The following UTS2B variants were observed in gnomAD, a reference collection of about 807,000 sequenced individuals.
UTS2B encodes the protein urotensin 2B, also known as urotensin-2B.
Under a neutral mutation model 19.2 loss-of-function variants are expected in UTS2B, and 21 were observed. The observed-to-expected ratio is 1.09, with a 90% CI of 0.78 to 1.58. The LOEUF (loss-of-function observed/expected upper bound fraction) is 1.58. UTS2B is among the 40% of genes most tolerant of loss of function. The pLI is 0.00. For missense variants in UTS2B, 138 were observed against 130.3 expected (o/e 1.06, Z -0.29); for synonymous variants, 57 against 50.2 (o/e 1.14, Z -0.58).
upstream of UTS2B, among the ~76,000 whole-genome samples, chr3:191,334,454 T>G (rs1166003903): frequency 6.6e-6 from 1 of 152,140 alleles, no homozygotes; most frequent in Non-Finnish European, 1.5e-5. Context: ...AATTGGTACT[T>G]TAAAAAGAGA....
intron 4 of UTS2B, among the ~76,000 whole-genome samples, chr3:191,286,688 C>T (rs1716552842): frequency 6.6e-6 from 1 of 151,558 alleles, no homozygotes; most frequent in Middle Eastern, 3.2e-3. Context: ...CAAATAAACA[C>T]CTATTACATC....
At chr3:191,312,385 T>C (rs775903262) in intron 3 of UTS2B, among the ~76,000 whole-genome samples, 33 of 152,184 alleles carry the variant, frequency 2.2e-4, no homozygotes, top group Non-Finnish European at 3.7e-4. Flanking sequence ...TTACATGGTC[T>C]TTATGTTGGG....
At chr3:191,340,305 A>G in the UTS2B span, among the ~76,000 whole-genome samples, 1 of 152,224 alleles carries the variant, frequency 6.6e-6, no homozygotes, top group African/African-American at 2.4e-5. Flanking sequence ...TGCGCCTTAT[A>G]TACTATCATA....
the UTS2B span, among the ~76,000 whole-genome samples, chr3:191,340,699 C>T: frequency 6.6e-5 from 10 of 152,264 alleles, no homozygotes; most frequent in Middle Eastern, 3.4e-3. Context: ...TTCTGATTTC[C>T]CCTTAACTCA....
chr3:191,318,626 T>C (rs1483525109), intron 2 of UTS2B, among the ~76,000 whole-genome samples: 1 of 152,138 alleles, frequency 6.6e-6, no homozygotes, highest in African/African-American at 2.4e-5. Context: ...CACACCACCA[T>C]GTCCGGCTAA....
At chr3:191,302,142 T>A (rs1271681051) in intron 4 of UTS2B, among the ~76,000 whole-genome samples, 1 of 152,186 alleles carries the variant, frequency 6.6e-6, no homozygotes, top group Admixed American at 6.5e-5. Context: ...AAATTCAAGA[T>A]TGCGCTGAAA....
Position 191,282,243 on chromosome 3 carries a change from G to T in UTS2B, c.-54C>A. On this transcript the variant is annotated 5_prime_UTR_variant, in exon 5 of 9. Transcript: ENST00000340524. ...GAAACAGACTTTCCAGGTCAAGATG[G>T]ATATTTCTATAGCTTTGGAATTCAG... The T allele has an allele frequency of 7.3e-7, 1 of 1,363,954 alleles. No homozygotes were observed. Among genetic ancestry groups the T allele is most frequent in the Non-Finnish European group, 1.0e-6 (1 of 976,400 alleles). The allele number at this position is 1,363,954 out of a possible 1,614,324, so 84.5% of individuals were successfully genotyped here.
At chr3:191,321,800 G>A (rs139586395) in intron 2 of UTS2B, among the ~76,000 whole-genome samples, 1,666 of 152,320 alleles carry the variant, frequency 0.011, 15 homozygotes, top group Non-Finnish European at 0.017. Context: ...GCCAAGGTGG[G>A]CAGATCACCT....
chr3:191,320,777 G>C (rs960042904), intron 2 of UTS2B, among the ~76,000 whole-genome samples: 1 of 152,208 alleles, frequency 6.6e-6, no homozygotes, highest in East Asian at 1.9e-4. Context: ...TTTTTGATGT[G>C]ACAACTGTGT....
At chr3:191,341,691 G>T in the UTS2B span, among the ~76,000 whole-genome samples, 1 of 152,068 alleles carries the variant, frequency 6.6e-6, no homozygotes. Flanking sequence ...TGTAACTGAA[G>T]TACCAATAAG....
At chr3:191,270,112 A>ACTTAAG (rs1716046484) in intron 8 of UTS2B, among the ~76,000 whole-genome samples, 1 of 152,250 alleles carries the variant, frequency 6.6e-6, no homozygotes, top group Non-Finnish European at 1.5e-5. Flanking sequence ...GTAAGTTTTT[A>ACTTAAG]CTGTCTTAAG....
At chr3:191,341,873 G>A in the UTS2B span, among the ~76,000 whole-genome samples, 1 of 152,180 alleles carries the variant, frequency 6.6e-6, no homozygotes, top group Admixed American at 6.5e-5. Context: ...CAAGTCTGCT[G>A]TGCGGTCACC....
At chr3:191,282,765 C>A (rs1716426154) in intron 4 of UTS2B, among the ~76,000 whole-genome samples, 1 of 152,064 alleles carries the variant, frequency 6.6e-6, no homozygotes. Context: ...GAGAAAAGCT[C>A]AAATTTGAAA....
At position 191,273,731 on chromosome 3, in the gene UTS2B, ACTTT is replaced by A. The variant is rs148596450; in HGVS notation, c.334+1517_334+1520del. ...ATCTCTATTTCAACCTTTCTCTTGT[ACTTT>A]CTTCTCCTCCAGTTATCCTTGGCTC... On this transcript the variant is annotated intron_variant, in intron 8 of 8. Transcript: ENST00000340524. Among the ~76,000 whole-genome samples, 421 of 152,318 alleles carry A rather than the reference ACTTT, an allele frequency of 2.8e-3. 2 individuals are homozygous for A. The highest frequency in any genetic ancestry group is 8.4e-3 in the African/African-American group (349 of 41,562).
intron 2 of UTS2B, among the ~76,000 whole-genome samples, chr3:191,325,650 G>A (rs528702634): frequency 8.5e-5 from 13 of 152,246 alleles, no homozygotes; most frequent in African/African-American, 2.6e-4. Context: ...TAAACTGTAC[G>A]GTTGGATTAT....
intron 4 of UTS2B, among the ~76,000 whole-genome samples, chr3:191,286,922 G>GA (rs34503274): frequency 5.4e-5 from 8 of 149,388 alleles, no homozygotes; most frequent in Non-Finnish European, 8.9e-5. Context: ...GAATGTAATA[G>GA]AAAAAAAAAA....
intron 4 of UTS2B, among the ~76,000 whole-genome samples, chr3:191,300,112 G>A (rs1310434916): frequency 6.6e-6 from 1 of 151,928 alleles, no homozygotes. Flanking sequence ...GTGCGGTGGT[G>A]CAATCTCGGC....
Position 191,327,128 on chromosome 3 carries a change from G to A in UTS2B, c.-586+1503C>T, listed in dbSNP as rs182793076. Among the ~76,000 whole-genome samples the A allele has an allele frequency of 5.3e-5, 8 of 152,364 alleles. No individual in the cohort carries two copies. In the East Asian group the frequency reaches 1.5e-3, roughly 29 times the overall value. ...CAGTCACAGTCTAGGTAGGAAACAG[G>A]AGGTGCACTGTAAGTGATTTTACTG... On this transcript the variant is annotated intron_variant, in intron 2 of 8. Transcript: ENST00000340524.
At position 191,320,588 on chromosome 3, in the gene UTS2B, C is replaced by T. The variant is rs149401122; in HGVS notation, c.-585-4149G>A. On this transcript the variant is annotated intron_variant, in intron 2 of 8. Transcript: ENST00000340524. ...GAATAAGAGCAGAACCAAGAAACTG[C>T]GAAGGAGGCTACGGCCAAAACCCAA... Among the ~76,000 whole-genome samples, 6 of 152,252 alleles carry T rather than the reference C, an allele frequency of 3.9e-5. No homozygotes were observed. In the East Asian group the frequency reaches 9.7e-4, roughly 24 times the overall value.
Sources: gnomAD v4.1 joint callset for allele counts (sites outside exome capture counted in the v4.1 genomes callset) on GRCh38, gnomAD v4.1.1 for gene constraint, MANE v1.5 for transcripts, NCBI Gene and HGNC (gene_info 2026-07-23, HGNC 2026-07-21) for gene names.